MYO15B: variants seen among roughly 807,000 people sequenced by gnomAD.
MYO15B encodes myosin XVB.
Under a neutral mutation model 119.3 loss-of-function variants are expected in MYO15B, and 207 were observed. The ratio of observed to expected loss-of-function variants is 1.73; its 90% CI spans 1.55 to 1.95. The LOEUF is 1.95. MYO15B is among the 30% of genes most tolerant of loss of function. The pLI is 0.00. For synonymous variants in MYO15B, 966 were observed against 498.9 expected (o/e 1.94, Z -12.48); for missense variants, 2,264 against 1,203.1 (o/e 1.88, Z -13.04).
chr17:75,625,030 G>T, intron 59 of MYO15B, 93 bp from the exon 60 acceptor site: 1 of 658,376 alleles, frequency 1.5e-6, no homozygotes, highest in South Asian at 1.7e-5. Flanking sequence ...GCTGGGGGGT[G>T]ACAGTGGCAA....
chr17:75,615,517 C>T (rs767483783), exon 35 of MYO15B: 19 of 697,868 alleles, frequency 2.7e-5, no homozygotes, highest in African/African-American at 1.0e-4. Flanking sequence ...GGTGGTGCCG[C>T]CGCAGCCACC....
At chr17:75,596,194 C>T (rs1044232142) in intron 12 of MYO15B, among the ~76,000 whole-genome samples, 2 of 152,194 alleles carry the variant, frequency 1.3e-5, no homozygotes, top group African/African-American at 4.8e-5. Flanking sequence ...CCTTCCAAGC[C>T]ACAGGATGGC....
chr17:75,594,729 C>T (rs1319883983), exon 11 of MYO15B: 13 of 702,976 alleles, frequency 1.8e-5, no homozygotes. Context: ...GTCTCGCGAT[C>T]CCTGCCCGTG....
At chr17:75,613,597 C>A in intron 28 of MYO15B, 108 bp from the exon 29 acceptor site, 1 of 648,398 alleles carries the variant, frequency 1.5e-6, no homozygotes, top group Non-Finnish European at 2.8e-6. Context: ...CCCTGATCCC[C>A]CTCCCCTCTG....
At chr17:75,603,339 CTGACAAGGAGGCCACCGGGAG>C in intron 19 of MYO15B, 27 bp downstream of exon 19, 1 of 702,030 alleles carries the variant, frequency 1.4e-6, no homozygotes, top group Non-Finnish European at 2.6e-6. Flanking sequence ...CGGGGCAGGA[CTGACAAGGAGGCCACCGGGAG>C]TGACTGGCAG....
intron 12 of MYO15B, among the ~76,000 whole-genome samples, chr17:75,595,734 G>A (rs1598729864): frequency 1.3e-5 from 2 of 152,194 alleles, no homozygotes; most frequent in African/African-American, 2.4e-5. Flanking sequence ...GGGTGGGCCC[G>A]CCTGTAGCCC....
intron 9 of MYO15B, among the ~76,000 whole-genome samples, chr17:75,593,652 G>A (rs2056636461): frequency 6.6e-6 from 1 of 151,682 alleles, no homozygotes; most frequent in African/African-American, 2.4e-5. Flanking sequence ...GGGCGTGGTG[G>A]CTCATGCCTG....
intron 19 of MYO15B, 66 bp from the exon 20 acceptor site, chr17:75,605,436 TAA>T (rs35859106): frequency 7.4e-4 from 410 of 555,102 alleles, no homozygotes; most frequent in Middle Eastern, 9.5e-4. Context: ...GACTCCGTCT[TAA>T]AAAAAAAAAA....
At chr17:75,591,175 C>T (rs1473077254) in exon 4 of MYO15B, 11 of 702,862 alleles carry the variant, frequency 1.6e-5, no homozygotes, top group Non-Finnish European at 2.6e-5. Context: ...CCCTCAGACA[C>T]ATCTTTGCCA....
intron 29 of MYO15B, 200 bp from the exon 30 acceptor site, chr17:75,613,999 A>T (rs2058199446): frequency 1.7e-6 from 1 of 599,168 alleles, no homozygotes; most frequent in Non-Finnish European, 3.0e-6. Context: ...AGAAATGCCC[A>T]TGCTGGAGCC....
intron 25 of MYO15B, 82 bp downstream of exon 25, chr17:75,612,098 C>A: frequency 3.0e-6 from 2 of 670,174 alleles, no homozygotes; most frequent in Admixed American, 4.2e-5. Context: ...CGTTTTTTTC[C>A]CCGCTGTCAG....
At chr17:75,607,318 C>G (rs1382710580) in intron 21 of MYO15B, among the ~76,000 whole-genome samples, 1 of 151,968 alleles carries the variant, frequency 6.6e-6, no homozygotes, top group African/African-American at 2.4e-5. Context: ...TTGACTCATA[C>G]AATATTTCCT....
exon 64 of MYO15B, chr17:75,626,413 G>A (rs1410488144): frequency 1.4e-6 from 1 of 703,114 alleles, no homozygotes; most frequent in African/African-American, 1.7e-5. Flanking sequence ...GCAGGCCCAG[G>A]AGCTGCTATA....
chr17:75,590,849 C>A (rs998366264), intron 2 of MYO15B, 58 bp from the exon 3 acceptor site: 3 of 290,654 alleles, frequency 1.0e-5, no homozygotes, highest in Non-Finnish European at 1.3e-5. Context: ...GGGCTGGGCT[C>A]TGTTTGCATT....
exon 9 of MYO15B, chr17:75,592,712 G>A (rs2056557119): frequency 1.4e-6 from 1 of 701,756 alleles, no homozygotes; most frequent in African/African-American, 1.7e-5. Context: ...CAAGGAGGAT[G>A]CCCAGGACTT....
At chr17:75,625,551 A>G (rs1217011301) in exon 61 of MYO15B, 3 of 703,096 alleles carry the variant, frequency 4.3e-6, no homozygotes, top group Non-Finnish European at 5.2e-6. Flanking sequence ...CTTACGTGCC[A>G]AAGCAGCTGC....
At chr17:75,594,904 C>T (rs769271761) in exon 12 of MYO15B, 10 of 702,960 alleles carry the variant, frequency 1.4e-5, no homozygotes, top group South Asian at 4.4e-5. Flanking sequence ...AACCAATGCA[C>T]GGCTGGCACC....
rs906000810 is a variant in MYO15B at position 75,615,396 on chromosome 17, G to C, written c.5740+58G>C. 6 of 686,890 alleles carry C rather than the reference G, an allele frequency of 8.7e-6. No individual in the cohort carries two copies. In the Admixed American group the frequency reaches 1.2e-4, roughly 14 times the overall value. The allele number at this position is 686,890 out of a possible 1,614,324, so 42.5% of individuals were successfully genotyped here. A position where few individuals can be genotyped will look rare whatever the true frequency, so the allele number is the denominator to read the frequency against. ...CTCAGGAGAGCAGCCACCAGCTCTGGGACTGGAGGAGGGAGGGTCCTGCTA... is the reference window on the plus strand; with the variant it reads ...CTCAGGAGAGCAGCCACCAGCTCTGCGACTGGAGGAGGGAGGGTCCTGCTA... On this transcript the variant is annotated intron_variant, in intron 34 of 63. Coordinates refer to ENST00000645453, the Ensembl canonical transcript of MYO15B.
Position 75,590,729 on chromosome 17 carries a change from C to T in MYO15B, c.2250+40C>T, listed in dbSNP as rs558021713. ...GGGGACGGACAGTGGGCGGGGATCC[C>T]CTTTTCTCTGGGGACAGAGGGCTCC... On this transcript the variant is annotated intron_variant, in intron 2 of 63. Coordinates refer to ENST00000645453, the Ensembl canonical transcript of MYO15B. 2.7e-3 allele frequency: 493 copies of T among 185,544 alleles called. 5 individuals are homozygous for T. Among genetic ancestry groups the T allele is most frequent in the African/African-American group, 0.011 (465 of 42,620 alleles). 11.5% of individuals were successfully genotyped at this position (185,544 alleles called of 1,614,324 possible). A position where few individuals can be genotyped will look rare whatever the true frequency, so the allele number is the denominator to read the frequency against.
Sources: gnomAD v4.1 joint callset for allele counts (sites outside exome capture counted in the v4.1 genomes callset) on GRCh38, gnomAD v4.1.1 for gene constraint, MANE v1.5 for transcripts, NCBI Gene and HGNC (gene_info 2026-07-23, HGNC 2026-07-21) for gene names.